KRT8: variants seen among roughly 807,000 people sequenced by gnomAD.
KRT8 encodes the protein keratin 8, also known as keratin, type II cytoskeletal 8.
In KRT8, 24 loss-of-function variants were observed where a neutral mutation model predicts 43.0. That is an observed-to-expected ratio of 0.56 (90% confidence interval 0.40 to 0.78). The LOEUF (loss-of-function observed/expected upper bound fraction) is 0.78, where lower values mean the gene tolerates loss of function less well. Ranked by LOEUF, KRT8 falls within the 30% of genes least tolerant of loss-of-function variation. The probability of loss-of-function intolerance (pLI) is 0.00; values close to 1 mark genes in which losing one functional copy is unlikely to be tolerated. For missense variants in KRT8, 492 were observed against 638.4 expected (o/e 0.77, Z 2.47); for synonymous variants, 214 against 261.2 (o/e 0.82, Z 1.74).
chr12:52,943,284 C>A (rs2055037), intron 2 of KRT8, among the ~76,000 whole-genome samples: 2 of 152,056 alleles, frequency 1.3e-5, no homozygotes, highest in African/African-American at 4.8e-5. Context: ...GTCCACACCC[C>A]GGCTCCAGGC....
upstream of KRT8, among the ~76,000 whole-genome samples, chr12:52,909,563 C>G (rs556401476): frequency 6.6e-6 from 1 of 152,302 alleles, no homozygotes; most frequent in South Asian, 2.1e-4. Context: ...AGTGATGGAT[C>G]TGATGATTAA....
At chr12:52,944,226 C>G (rs1257169837) in intron 2 of KRT8, among the ~76,000 whole-genome samples, 1 of 152,192 alleles carries the variant, frequency 6.6e-6, no homozygotes, top group Admixed American at 6.5e-5. Flanking sequence ...CTCAAGATCA[C>G]TAAGCCAGCA....
At chr12:52,917,711 A>AAAAAAG (rs199640176) in intron 2 of KRT8, among the ~76,000 whole-genome samples, 19,734 of 102,174 alleles carry the variant, frequency 0.19, 1,561 homozygotes, top group East Asian at 0.28. Context: ...TCTGTCTCAA[A>AAAAAAG]AAAAAAAAAA....
chr12:52,946,201 G>A (rs1003031226), intron 2 of KRT8, among the ~76,000 whole-genome samples: 35 of 152,250 alleles, frequency 2.3e-4, no homozygotes, highest in African/African-American at 8.2e-4. Context: ...CAAGGACCTG[G>A]GAATTAGCTT....
At chr12:52,903,921 G>C (rs1264943660) in intron 1 of KRT8, among the ~76,000 whole-genome samples, 3 of 146,214 alleles carry the variant, frequency 2.1e-5, no homozygotes, top group African/African-American at 7.6e-5. Flanking sequence ...CCAGGTGGAG[G>C]AGAGCGTCCC....
At chr12:52,930,190 T>G in intron 2 of KRT8, among the ~76,000 whole-genome samples, 1 of 151,408 alleles carries the variant, frequency 6.6e-6, no homozygotes, top group East Asian at 1.9e-4. Flanking sequence ...TACATCCAAT[T>G]AGAAGCCAAG....
intron 2 of KRT8, among the ~76,000 whole-genome samples, chr12:52,935,378 CAAAAAAAAAAAAAAAAAAAA>C (rs71092794): frequency 8.4e-5 from 2 of 23,726 alleles, no homozygotes; most frequent in African/African-American, 1.9e-4. Context: ...GACTCTGTCT[CAAAAAAAAAAAAAAAAAAAA>C]AAAAAAAAAA....
At chr12:52,928,114 G>T (rs1404393047) in intron 2 of KRT8, among the ~76,000 whole-genome samples, 2 of 152,194 alleles carry the variant, frequency 1.3e-5, no homozygotes, top group African/African-American at 2.4e-5. Context: ...GGAAAAGAAG[G>T]CATGGAGAAC....
chr12:52,940,747 T>C (rs1942254609), intron 2 of KRT8, among the ~76,000 whole-genome samples: 1 of 150,210 alleles, frequency 6.7e-6, no homozygotes, highest in Non-Finnish European at 1.5e-5. Context: ...TGCCTCAGCC[T>C]CCTGAGTAGC....
At chr12:52,931,890 T>C (rs996326255) in intron 2 of KRT8, among the ~76,000 whole-genome samples, 2 of 152,122 alleles carry the variant, frequency 1.3e-5, no homozygotes, top group Non-Finnish European at 2.9e-5. Flanking sequence ...CTCAAACTCC[T>C]GACCTCAAGT....
At chr12:52,931,641 C>T (rs756949400) in intron 2 of KRT8, among the ~76,000 whole-genome samples, 37 of 148,944 alleles carry the variant, frequency 2.5e-4, no homozygotes, top group Admixed American at 1.4e-3. Context: ...CCTTTCTCCA[C>T]TACTCATTGG....
intron 2 of KRT8, among the ~76,000 whole-genome samples, chr12:52,923,878 G>A (rs997569909): frequency 3.3e-5 from 5 of 150,404 alleles, no homozygotes; most frequent in East Asian, 2.0e-4. Flanking sequence ...ACGGAGCCTC[G>A]CTCTCGCCCA....
intron 2 of KRT8, among the ~76,000 whole-genome samples, chr12:52,918,026 A>AG (rs1941780932): frequency 2.2e-5 from 1 of 45,400 alleles, no homozygotes; most frequent in Non-Finnish European, 4.8e-5. Context: ...GAGAAGAAGA[A>AG]GAGGAGGAGG....
At chr12:52,921,521 T>C (rs1941885920) in intron 2 of KRT8, among the ~76,000 whole-genome samples, 1 of 152,088 alleles carries the variant, frequency 6.6e-6, no homozygotes, top group Non-Finnish European at 1.5e-5. Context: ...CCTACTTGAC[T>C]GCCAGCTCCT....
At chr12:52,926,690 T>A (rs1282792621) in intron 2 of KRT8, among the ~76,000 whole-genome samples, 1 of 152,124 alleles carries the variant, frequency 6.6e-6, no homozygotes, top group Non-Finnish European at 1.5e-5. Flanking sequence ...TTTTCCATAT[T>A]TGTCTCATTT....
intron 2 of KRT8, among the ~76,000 whole-genome samples, chr12:52,915,775 G>T (rs1010968455): frequency 6.6e-6 from 1 of 152,074 alleles, no homozygotes; most frequent in Non-Finnish European, 1.5e-5. Flanking sequence ...AACAACAGAT[G>T]TTCACTACAT....
At chr12:52,905,128 G>C (rs1410958726), upstream of KRT8, 3 of 1,416,136 alleles carry the variant, frequency 2.1e-6, no homozygotes, top group African/African-American at 2.9e-5. Flanking sequence ...GAAAGGCCTC[G>C]TACCTGAGTG....
intron 2 of KRT8, among the ~76,000 whole-genome samples, chr12:52,935,720 T>C (rs1942160163): frequency 1.3e-5 from 2 of 151,338 alleles, no homozygotes; most frequent in Non-Finnish European, 2.9e-5. Flanking sequence ...CATAGCTCCA[T>C]ATAACCTTCA....
chr12:52,915,714 CA>C (rs369937541), intron 2 of KRT8, among the ~76,000 whole-genome samples: 23 of 140,680 alleles, frequency 1.6e-4, no homozygotes, highest in East Asian at 2.0e-4. Flanking sequence ...GACTCCGTCT[CA>C]AAAAAAAAAG....
Sources: allele counts gnomAD v4.1 joint callset (sites outside exome capture counted in the v4.1 genomes callset), GRCh38; gene constraint gnomAD v4.1.1; transcripts MANE v1.5; gene names NCBI Gene and HGNC (gene_info 2026-07-23, HGNC 2026-07-21).